The following ALDH9A1 variants were observed in gnomAD, a reference collection of about 807,000 sequenced individuals.
ALDH9A1 encodes aldehyde dehydrogenase 9 family member A1.
A neutral mutation model predicts 56.6 loss-of-function variants in ALDH9A1; 42 were observed. That is an observed-to-expected ratio of 0.74 (90% CI 0.58 to 0.96). ALDH9A1 has a LOEUF of 0.96. ALDH9A1 is among the 40% of genes least tolerant of loss of function. ALDH9A1 has a pLI of 0.00. For missense variants in ALDH9A1, 661 were observed against 651.5 expected, an observed-to-expected ratio of 1.01 and a Z score of -0.16; for synonymous variants, 242 against 236.0, an observed-to-expected ratio of 1.03 and a Z score of -0.23.
chr1:165,682,589 A>G (rs1649586339), intron 3 of ALDH9A1, among the ~76,000 whole-genome samples: 1 of 152,164 alleles, frequency 6.6e-6, no homozygotes, highest in Admixed American at 6.5e-5. Flanking sequence ...GTTCCTTGCA[A>G]CCTTCCTAGG....
At chr1:165,687,689 A>G (rs761694621) in intron 2 of ALDH9A1, among the ~76,000 whole-genome samples, 1 of 152,212 alleles carries the variant, frequency 6.6e-6, no homozygotes, top group Non-Finnish European at 1.5e-5. Context: ...GACCTGCACT[A>G]TAAGAAATGC....
At chr1:165,673,592 G>C (rs1249976197) in intron 6 of ALDH9A1, among the ~76,000 whole-genome samples, 1 of 152,096 alleles carries the variant, frequency 6.6e-6, no homozygotes, top group Non-Finnish European at 1.5e-5. Context: ...CTGCAGCACT[G>C]ATTGGCCAAC....
Position 165,662,902 on chromosome 1 carries a change from AG to A in ALDH9A1, c.*147del. ...ACATTTTCAGTGAGGAAGCTGATGG[AG>A]AGAGAAAGAGTAACATGAACCATTC... On this transcript the variant is annotated 3_prime_UTR_variant, in exon 11 of 11. Coordinates refer to ENST00000354775, the MANE Select transcript of ALDH9A1 (RefSeq NM_000696.4). 1 of 654,110 alleles carries A rather than the reference AG, an allele frequency of 1.5e-6. No individual in the cohort carries two copies. Among genetic ancestry groups the A allele is most frequent in the Non-Finnish European group, 2.7e-6 (1 of 368,052 alleles). 40.5% of individuals were successfully genotyped at this position (654,110 alleles called of 1,614,324 possible). A position where few individuals can be genotyped will look rare whatever the true frequency, so the allele number is the denominator to read the frequency against.
chr1:165,684,315 T>C (rs1022122912), intron 2 of ALDH9A1, among the ~76,000 whole-genome samples: 2 of 152,212 alleles, frequency 1.3e-5, no homozygotes, highest in African/African-American at 4.8e-5. Context: ...ATTGCAATTT[T>C]TGAATAGACA....
In ALDH9A1 at chr1:165,695,294, C is replaced by T. The variant is rs1474813563; in HGVS notation, c.285G>A (p.Met95Ile). The T allele has an allele frequency of 6.2e-7, 1 of 1,612,902 alleles. No individual in the cohort carries two copies. The highest frequency in any genetic ancestry group is 8.5e-7 in the Non-Finnish European group (1 of 1,179,556). The part of the protein sequence containing the change: ...AFKIWSQKSG[M>I]ERCRILLEAA... Reference sequence around the variant, plus strand: ...CCTCCAAAAGGATTCGGCAACGCTCCATGCCAGATTTTTGACTCCATATTT... The same window carrying T: ...CCTCCAAAAGGATTCGGCAACGCTCTATGCCAGATTTTTGACTCCATATTT... The change falls in exon 2 of 11, where the codon ATG (methionine) becomes ATA (isoleucine). Residue 95 changes from methionine (M) to isoleucine (I), a missense_variant. Met to Ile is a conservative substitution (Grantham distance 10). Transcript: ENST00000354775.
At chr1:165,694,288 A>G (rs1558013455) in intron 2 of ALDH9A1, among the ~76,000 whole-genome samples, 1 of 151,622 alleles carries the variant, frequency 6.6e-6, no homozygotes, top group Non-Finnish European at 1.5e-5. Context: ...GCCTGGTCAG[A>G]TTCTGGGAAA....
intron 6 of ALDH9A1, chr1:165,671,742 G>A: frequency 3.1e-6 from 1 of 318,792 alleles, no homozygotes. Context: ...ATTTGTCTAT[G>A]TACTTGAGCA....
chr1:165,682,335 G>A (rs1649577800), intron 3 of ALDH9A1, 94 bp from the exon 4 acceptor site: 13 of 1,366,180 alleles, frequency 9.5e-6, no homozygotes, highest in South Asian at 4.1e-5. Flanking sequence ...TCCAGTCAAC[G>A]CAGCCTCCCC....
intron 2 of ALDH9A1, among the ~76,000 whole-genome samples, chr1:165,690,787 C>T (rs13376536): frequency 0.016 from 2,505 of 152,262 alleles, 70 homozygotes; most frequent in African/African-American, 0.057. Context: ...GATGGAACTG[C>T]GAAGGTGGCA....
intron 10 of ALDH9A1, among the ~76,000 whole-genome samples, chr1:165,664,228 T>C (rs1437733098): frequency 6.6e-6 from 1 of 152,018 alleles, no homozygotes; most frequent in Non-Finnish European, 1.5e-5. Flanking sequence ...TGGCTGTAAA[T>C]ATTTGCCACA....
rs1648889306 is a variant in ALDH9A1 at position 165,662,956 on chromosome 1, TG to T, written c.*93del. 5.3e-6 allele frequency: 6 copies of T among 1,124,890 alleles called. No individual in the cohort carries two copies. Among genetic ancestry groups the T allele is most frequent in the Non-Finnish European group, 8.1e-6 (6 of 741,328 alleles). 69.7% of individuals were successfully genotyped at this position (1,124,890 alleles called of 1,614,324 possible). A position where few individuals can be genotyped will look rare whatever the true frequency, so the allele number is the denominator to read the frequency against. Reference sequence around the variant, plus strand: ...TTATACTGAACGCCAAAATTCTGGATGTAAAATAACATTCAGTTGTACTGCC... The same window carrying T: ...TTATACTGAACGCCAAAATTCTGGATTAAAATAACATTCAGTTGTACTGCC... On this transcript the variant is annotated 3_prime_UTR_variant, in exon 11 of 11. Transcript: ENST00000354775.
chr1:165,669,475 A>G (rs1000526836), intron 6 of ALDH9A1, 25 bp from the exon 7 acceptor site: 1 of 1,578,862 alleles, frequency 6.3e-7, no homozygotes, highest in East Asian at 2.3e-5. Context: ...CAAGACATCA[A>G]TTTCTATGTG....
chr1:165,674,931 C>T (rs150025733), intron 6 of ALDH9A1, among the ~76,000 whole-genome samples: 51 of 152,254 alleles, frequency 3.3e-4, no homozygotes, highest in African/African-American at 1.0e-3. Flanking sequence ...TGGTGGCTCA[C>T]GCCTATAATC....
chr1:165,676,838 T>G (rs12069198), intron 6 of ALDH9A1: 144,484 of 345,358 alleles, frequency 0.42, 31,246 homozygotes, highest in Middle Eastern at 0.46. Flanking sequence ...TCTCTTTATT[T>G]AGTAGAGAAG....
At chr1:165,674,455 G>A (rs987525420) in intron 6 of ALDH9A1, among the ~76,000 whole-genome samples, 2 of 152,010 alleles carry the variant, frequency 1.3e-5, no homozygotes, top group African/African-American at 4.8e-5. Context: ...GGGAGGCCGA[G>A]GTGGGCAGAT....
intron 1 of ALDH9A1, 36 bp downstream of exon 1, chr1:165,698,342 C>G (rs1438081840): frequency 1.0e-5 from 16 of 1,567,084 alleles, no homozygotes; most frequent in African/African-American, 1.4e-5. Flanking sequence ...CATCCGGCCC[C>G]AGGGCGCCCC....
chr1:165,688,917 A>C (rs1333401043), intron 2 of ALDH9A1, among the ~76,000 whole-genome samples: 4 of 152,218 alleles, frequency 2.6e-5, no homozygotes, highest in Non-Finnish European at 5.9e-5. Flanking sequence ...TGATTAATAA[A>C]ACACCACACA....
intron 6 of ALDH9A1, among the ~76,000 whole-genome samples, chr1:165,670,081 A>C (rs1365192804): frequency 2.0e-5 from 3 of 152,252 alleles, no homozygotes; most frequent in Non-Finnish European, 2.9e-5. Flanking sequence ...ACATAAAATA[A>C]GATACATATC....
Position 165,698,377 on chromosome 1 carries a change from C to G in ALDH9A1, c.181+1G>C, listed in dbSNP as rs145892484. ...CAGCCTCCCCGGCTCGTTGCAGTTA[C>G]CGGTTGCTGGCTCGAAAGCTTTCTC... On this transcript the variant is annotated splice_donor_variant, in intron 1 of 10. Coordinates refer to ENST00000354775, the MANE Select transcript of ALDH9A1 (RefSeq NM_000696.4). LOFTEE classifies it high-confidence loss of function. The G allele has an allele frequency of 2.8e-4, 441 of 1,590,486 alleles. No homozygotes were observed. Among genetic ancestry groups the G allele is most frequent in the Non-Finnish European group, 2.8e-4 (328 of 1,170,576 alleles).
Sources: gnomAD v4.1 joint callset for allele counts (sites outside exome capture counted in the v4.1 genomes callset) on GRCh38, gnomAD v4.1.1 for gene constraint, MANE v1.5 for transcripts, NCBI Gene and HGNC (gene_info 2026-07-23, HGNC 2026-07-21) for gene names.